L3MBTL4: variants seen among roughly 807,000 people sequenced by gnomAD.
The protein encoded by L3MBTL4 is L3MBTL histone methyl-lysine binding protein 4.
In L3MBTL4, 70 loss-of-function variants were observed where a neutral mutation model predicts 84.5. The ratio of observed to expected loss-of-function variants is 0.83; its 90% confidence interval spans 0.68 to 1.01. L3MBTL4 has a LOEUF of 1.01. Among genes scored for constraint, L3MBTL4 ranks in the 50% least tolerant of loss-of-function variants. The pLI, the probability that L3MBTL4 is intolerant of heterozygous loss-of-function variation, is 0.00. For synonymous variants in L3MBTL4, 274 were observed against 259.8 expected (o/e 1.05, Z -0.52); for missense variants, 715 against 754.8 (o/e 0.95, Z 0.62).
intron 16 of L3MBTL4, among the ~76,000 whole-genome samples, chr18:6,072,651 T>C (rs1403981377): frequency 2.0e-5 from 3 of 149,716 alleles, no homozygotes; most frequent in Non-Finnish European, 4.4e-5. Context: ...CCATCCTGGC[T>C]AACACAGTGA....
Position 6,211,369 on chromosome 18 carries a change from G to C in L3MBTL4, c.981+1780C>G, listed in dbSNP as rs16949663. Among the ~76,000 whole-genome samples, 721 of 152,208 alleles carry C rather than the reference G, an allele frequency of 4.7e-3. 9 individuals are homozygous for C. Among genetic ancestry groups the C allele is most frequent in the African/African-American group, 0.016 (680 of 41,520 alleles). On this transcript the variant is annotated intron_variant, in intron 12 of 18. Coordinates refer to ENST00000317931, the MANE Select transcript of L3MBTL4 (RefSeq NM_001330559.2). Reference sequence around the variant, plus strand: ...ACAGTAAGCATCTATTATGTGCTGGGATAAAGATTTCCTTTGAAAAATACT... The same window carrying C: ...ACAGTAAGCATCTATTATGTGCTGGCATAAAGATTTCCTTTGAAAAATACT...
chr18:6,195,568 A>T (rs1300835186), intron 12 of L3MBTL4, among the ~76,000 whole-genome samples: 2 of 152,248 alleles, frequency 1.3e-5, no homozygotes, highest in African/African-American at 4.8e-5. Flanking sequence ...TTGGAGGAAC[A>T]TGCACACAAA....
chr18:6,060,891 T>A (rs1333339139), intron 16 of L3MBTL4, among the ~76,000 whole-genome samples: 1 of 152,160 alleles, frequency 6.6e-6, no homozygotes, highest in Non-Finnish European at 1.5e-5. Flanking sequence ...CAGACTCACC[T>A]ATTATCCATT....
chr18:5,974,900 G>A (rs1055991572), intron 16 of L3MBTL4, among the ~76,000 whole-genome samples: 2 of 152,062 alleles, frequency 1.3e-5, no homozygotes, highest in African/African-American at 2.4e-5. Context: ...GGAGGTCAAA[G>A]CTGCAATGAG....
At chr18:6,211,544 T>C (rs2046103196) in intron 12 of L3MBTL4, among the ~76,000 whole-genome samples, 1 of 152,148 alleles carries the variant, frequency 6.6e-6, no homozygotes, top group Non-Finnish European at 1.5e-5. Context: ...GATCAATCGA[T>C]GCTACAGTAA....
intron 13 of L3MBTL4, among the ~76,000 whole-genome samples, chr18:6,140,269 C>T (rs1026559171): frequency 6.6e-6 from 1 of 152,206 alleles, no homozygotes; most frequent in East Asian, 1.9e-4. Context: ...CCTTGTCTAA[C>T]TTAGATTCTA....
At chr18:6,092,652 A>G (rs539446133) in intron 15 of L3MBTL4, among the ~76,000 whole-genome samples, 14 of 152,280 alleles carry the variant, frequency 9.2e-5, no homozygotes, top group African/African-American at 2.4e-4. Context: ...TTATTTACTT[A>G]GTGTTAGACT....
intron 10 of L3MBTL4, among the ~76,000 whole-genome samples, chr18:6,236,853 G>C (rs1276811996): frequency 6.6e-6 from 1 of 151,980 alleles, no homozygotes; most frequent in African/African-American, 2.4e-5. Context: ...AATTTGATGA[G>C]AAGTCCTAAT....
At chr18:6,007,278 T>A (rs1404343344) in intron 16 of L3MBTL4, among the ~76,000 whole-genome samples, 1 of 151,716 alleles carries the variant, frequency 6.6e-6, no homozygotes, top group Non-Finnish European at 1.5e-5. Context: ...AAAACTAACG[T>A]GGCAACAGAA....
intron 16 of L3MBTL4, among the ~76,000 whole-genome samples, chr18:5,986,509 G>A (rs2053471535): frequency 1.3e-5 from 2 of 152,246 alleles, no homozygotes; most frequent in Non-Finnish European, 2.9e-5. Flanking sequence ...GGAGCTTCTA[G>A]CTTGGAGCTT....
At chr18:6,263,400 A>C (rs1003603940) in intron 5 of L3MBTL4, among the ~76,000 whole-genome samples, 7 of 152,196 alleles carry the variant, frequency 4.6e-5, no homozygotes, top group African/African-American at 1.7e-4. Context: ...GTCTTGGGTA[A>C]AGATGATCCC....
intron 15 of L3MBTL4, among the ~76,000 whole-genome samples, chr18:6,089,008 G>A (rs1249457802): frequency 6.6e-6 from 1 of 152,210 alleles, no homozygotes; most frequent in East Asian, 1.9e-4. Context: ...AATATGACAG[G>A]TATTTTAACG....
intron 16 of L3MBTL4, among the ~76,000 whole-genome samples, chr18:6,053,072 T>C (rs1457718156): frequency 6.6e-6 from 1 of 152,226 alleles, no homozygotes; most frequent in African/African-American, 2.4e-5. Flanking sequence ...GTCTTTCTAT[T>C]TTTAAATGGT....
At chr18:6,240,298 A>G (rs2047400123) in intron 8 of L3MBTL4, among the ~76,000 whole-genome samples, 1 of 151,978 alleles carries the variant, frequency 6.6e-6, no homozygotes, top group South Asian at 2.1e-4. Context: ...AATTAGCACC[A>G]AAGTATCCTG....
rs572872407 is a variant in L3MBTL4 at position 6,048,633 on chromosome 18, C to T, written c.1444+32248G>A. 3.2e-4 allele frequency among the ~76,000 whole-genome samples: 48 copies of T among 152,046 alleles called. 2 individuals are homozygous for T. In the South Asian group the frequency reaches 5.6e-3, roughly 18 times the overall value. On this transcript the variant is annotated intron_variant, in intron 16 of 18. Transcript: ENST00000317931. ...CCAACATGATGAAACCCCGTCTCTA[C>T]TAAAAATTAGCCGGGTGTGGTGGCG...
chr18:6,011,451 G>A (rs902561396), intron 16 of L3MBTL4, among the ~76,000 whole-genome samples: 1 of 152,176 alleles, frequency 6.6e-6, no homozygotes, highest in African/African-American at 2.4e-5. Flanking sequence ...GGGAAAATTA[G>A]GGGAGGGGAC....
At chr18:6,390,065 A>G (rs1479369002) in intron 1 of L3MBTL4, among the ~76,000 whole-genome samples, 2 of 152,176 alleles carry the variant, frequency 1.3e-5, no homozygotes, top group Non-Finnish European at 2.9e-5. Flanking sequence ...ACAAGTTTCA[A>G]TATATTTTTA....
chr18:6,300,609 C>T (rs773609381), intron 4 of L3MBTL4, among the ~76,000 whole-genome samples: 4 of 152,044 alleles, frequency 2.6e-5, no homozygotes, highest in African/African-American at 7.2e-5. Flanking sequence ...CAGTAAAAAA[C>T]GTTAGTTTGA....
At chr18:6,011,517 C>T (rs1465718139) in intron 16 of L3MBTL4, among the ~76,000 whole-genome samples, 1 of 152,152 alleles carries the variant, frequency 6.6e-6, no homozygotes, top group East Asian at 1.9e-4. Context: ...TGAGCCCCAT[C>T]TGAATTTTTA....
Sources: gnomAD v4.1 joint callset for allele counts (sites outside exome capture counted in the v4.1 genomes callset) on GRCh38, gnomAD v4.1.1 for gene constraint, MANE v1.5 for transcripts, NCBI Gene and HGNC (gene_info 2026-07-23, HGNC 2026-07-21) for gene names.